Variants in PRR11 observed in about 807,000 individuals in gnomAD.
PRR11 encodes proline rich 11.
PRR11 carries 30 observed loss-of-function variants against 45.6 expected under a neutral mutation model. That is an observed-to-expected ratio of 0.66 (90% CI 0.49 to 0.89). The LOEUF (loss-of-function observed/expected upper bound fraction) is 0.89, where lower values mean the gene tolerates loss of function less well. Among genes scored for constraint, PRR11 ranks in the 40% least tolerant of loss-of-function variants. PRR11 has a pLI of 0.00. For synonymous variants in PRR11, 128 were observed against 153.5 expected (o/e 0.83, Z 1.23); for missense variants, 373 against 424.8 (o/e 0.88, Z 1.07).
chr17:59,189,565 C>T (rs1166533873), intron 4 of PRR11, among the ~76,000 whole-genome samples: 1 of 152,026 alleles, frequency 6.6e-6, no homozygotes, highest in African/African-American at 2.4e-5. Flanking sequence ...AACTCCTGAC[C>T]TCAAGTGATC....
chr17:59,194,814 G>C lies in PRR11; in HGVS notation c.703G>C (p.Val235Leu), dbSNP rs765896921. 1.2e-6 allele frequency: 2 copies of C among 1,613,816 alleles called. No homozygotes were observed. The highest frequency in any genetic ancestry group is 1.7e-6 in the Non-Finnish European group (2 of 1,179,826). ...GATAACAGTTAAAGATCTGCTGACT[G>C]TAAAATTAAAGAAGACACAGAGTTT... ...MQITVKDLLT[V>L]KLKKTQSLDE... Residue 235 changes from valine (V) to leucine (L), a missense_variant, in exon 6 of 10, where the codon GTA becomes CTA. Transcript: ENST00000262293.
intron 2 of PRR11, among the ~76,000 whole-genome samples, chr17:59,180,519 G>GTTTTTTTTTTTTTTTTT (rs71300619): frequency 8.1e-6 from 1 of 122,928 alleles, no homozygotes. Context: ...TGTTTTTTTT[G>GTTTTTTTTTTTTTTTTT]TTTTTTTTGC....
At position 59,201,590 on chromosome 17, in the gene PRR11, A is replaced by G. The variant is rs1404147958; in HGVS notation, c.1042A>G (p.Thr348Ala). The stretch of plus-strand genomic sequence containing the variant: ...GGCTCACCCTAGAAGCCCAACTCCA[A>G]CTCTGCCACTTTCTACAAGCAGCTT... ...QLAHPRSPTP[T>A]LPLSTSSFDE... Residue 348 changes from threonine (T) to alanine (A), a missense_variant, in exon 10 of 10, where the codon ACT becomes GCT. By Grantham distance (58) the Thr-to-Ala change is moderately conservative. Transcript: ENST00000262293. 1 of 1,613,234 alleles carries G rather than the reference A, an allele frequency of 6.2e-7. No individual in the cohort carries two copies. The highest frequency in any genetic ancestry group is 8.5e-7 in the Non-Finnish European group (1 of 1,179,986).
intron 1 of PRR11, 140 bp from the exon 2 acceptor site, chr17:59,169,608 A>G: frequency 1.4e-6 from 1 of 695,152 alleles, no homozygotes; most frequent in Non-Finnish European, 2.3e-6. Context: ...GGATGCTGGT[A>G]GTGACCTATT....
In PRR11 at chr17:59,181,832, C is replaced by T. The variant is rs1435968549; in HGVS notation, c.129-3222C>T. The T allele has an allele frequency of 2.0e-6, 3 of 1,483,816 alleles. No individual in the cohort carries two copies. The African/African-American group carries it at 4.2e-5, about 21-fold the overall frequency. 91.9% of individuals were successfully genotyped at this position (1,483,816 alleles called of 1,614,324 possible). A position where few individuals can be genotyped will look rare whatever the true frequency, so the allele number is the denominator to read the frequency against. On this transcript the variant is annotated intron_variant, in intron 2 of 9. Transcript: ENST00000262293. ...ACCCCGACCCCAACCCCAAACCACTCTCCATCCTCCCCAGCCTTGCAGACT... is the reference window on the plus strand; with the variant it reads ...ACCCCGACCCCAACCCCAAACCACTTTCCATCCTCCCCAGCCTTGCAGACT...
intron 7 of PRR11, among the ~76,000 whole-genome samples, chr17:59,197,264 T>G (rs574161273): frequency 6.6e-6 from 1 of 152,140 alleles, no homozygotes; most frequent in African/African-American, 2.4e-5. Context: ...ATTTTTTTTT[T>G]TTTTGGAGAC....
chr17:59,200,877 G>A (rs1047835620), intron 9 of PRR11, among the ~76,000 whole-genome samples: 1 of 151,578 alleles, frequency 6.6e-6, no homozygotes, highest in Non-Finnish European at 1.5e-5. Flanking sequence ...CTCTTGTCTC[G>A]GCCTCCCAAA....
Position 59,205,264 on chromosome 17 carries a change from G to A in PRR11, c.*3633G>A, listed in dbSNP as rs62081944. ...AAACTACGATTTATCATATGCTCCC[G>A]GTGTTTACTTTGAGACTGAATGGCA... On this transcript the variant is annotated 3_prime_UTR_variant, in exon 10 of 10. Coordinates refer to ENST00000262293, the MANE Select transcript of PRR11 (RefSeq NM_018304.4). 0.098 allele frequency among the ~76,000 whole-genome samples: 14,717 copies of A among 150,792 alleles called. 964 individuals carry two copies. Among genetic ancestry groups the A allele is most frequent in the South Asian group, 0.25 (1,186 of 4,702 alleles).
At chr17:59,177,898 A>G (rs546596566) in intron 2 of PRR11, among the ~76,000 whole-genome samples, 1 of 152,020 alleles carries the variant, frequency 6.6e-6, no homozygotes, top group Admixed American at 6.6e-5. Context: ...CCAACTGCTC[A>G]GGAGGCTGAG....
intron 9 of PRR11, among the ~76,000 whole-genome samples, chr17:59,200,303 A>G (rs1309874888): frequency 6.6e-6 from 1 of 152,130 alleles, no homozygotes; most frequent in Admixed American, 6.5e-5. Flanking sequence ...GTTTAATCAA[A>G]TAGGGACATG....
chr17:59,162,243 CACACACAG>C (rs1452336493), intron 1 of PRR11, among the ~76,000 whole-genome samples: 2 of 147,452 alleles, frequency 1.4e-5, no homozygotes, highest in African/African-American at 5.4e-5. Context: ...CACACACACA[CACACACAG>C]AGAGAGAGAG....
rs1473463010 is a variant in PRR11 at position 59,179,761 on chromosome 17, C to T, written c.129-5293C>T. On this transcript the variant is annotated intron_variant, in intron 2 of 9. Transcript: ENST00000262293. The stretch of plus-strand genomic sequence containing the variant: ...TCTCCGCCACCCAGGTCTCCTCAGG[C>T]TCAGGGGCGAGCTCCTTCTCTGGCT... 2.2e-6 allele frequency: 3 copies of T among 1,390,722 alleles called. No individual in the cohort carries two copies. The African/African-American group carries it at 4.3e-5, about 20-fold the overall frequency. 86.1% of individuals were successfully genotyped at this position (1,390,722 alleles called of 1,614,324 possible). A position where few individuals can be genotyped will look rare whatever the true frequency, so the allele number is the denominator to read the frequency against.
chr17:59,181,730 T>C (rs941662349), intron 2 of PRR11: 17 of 1,557,044 alleles, frequency 1.1e-5, no homozygotes, highest in Non-Finnish European at 1.1e-5. Context: ...CATGGGAGGC[T>C]GGGATCTACC....
chr17:59,189,500 A>AT (rs1263815843), intron 4 of PRR11, among the ~76,000 whole-genome samples: 1 of 151,562 alleles, frequency 6.6e-6, no homozygotes, highest in Non-Finnish European at 1.5e-5. Flanking sequence ...TGCCTGGCTA[A>AT]TTTTTGTATT....
intron 2 of PRR11, chr17:59,174,947 C>T: frequency 1.0e-6 from 1 of 956,830 alleles, no homozygotes; most frequent in East Asian, 3.2e-5. Flanking sequence ...CACCTACCCC[C>T]ACCCCGCCTA....
chr17:59,172,169 T>C (rs894187959), intron 2 of PRR11, among the ~76,000 whole-genome samples: 5 of 152,218 alleles, frequency 3.3e-5, no homozygotes, highest in African/African-American at 7.2e-5. Flanking sequence ...CTAATCTGAG[T>C]GTCTGCACTG....
intron 4 of PRR11, among the ~76,000 whole-genome samples, chr17:59,192,144 T>C (rs1263435266): frequency 6.6e-6 from 1 of 151,976 alleles, no homozygotes; most frequent in Admixed American, 6.6e-5. Flanking sequence ...AGTGCCCTTA[T>C]GAGAGAGACA....
At chr17:59,165,018 T>G (rs1206205916) in intron 1 of PRR11, among the ~76,000 whole-genome samples, 1 of 152,096 alleles carries the variant, frequency 6.6e-6, no homozygotes, top group Non-Finnish European at 1.5e-5. Flanking sequence ...TTGTTTTGTT[T>G]TTTTGTTTTG....
In PRR11 at chr17:59,185,506, A is replaced by G; in HGVS notation, c.346A>G (p.Lys116Glu). 6 of 1,613,052 alleles carry G rather than the reference A, an allele frequency of 3.7e-6. No homozygotes were observed. The highest frequency in any genetic ancestry group is 5.1e-6 in the Non-Finnish European group (6 of 1,179,634). The change falls in exon 4 of 10, where the codon AAA (lysine) becomes GAA (glutamate). Residue 116 changes from lysine (K) to glutamate (E), a missense_variant. Lys to Glu is a moderately conservative substitution (Grantham distance 56). Transcript: ENST00000262293. Reference protein sequence around the residue: ...RICHRELYSVKQQFCILESKL... With the variant: ...RICHRELYSVEQQFCILESKL... ...CTGCCACCGAGAACTTTACAGTGTA[A>G]AACAACAGTTTTGCATTTTGGAAAG...
Sources: gnomAD v4.1 joint callset for allele counts (sites outside exome capture counted in the v4.1 genomes callset) on GRCh38, gnomAD v4.1.1 for gene constraint, MANE v1.5 for transcripts, NCBI Gene and HGNC (gene_info 2026-07-23, HGNC 2026-07-21) for gene names.